CHRD: variants seen among roughly 807,000 people sequenced by gnomAD.
CHRD encodes chordin.
Under a neutral mutation model 113.7 loss-of-function variants are expected in CHRD, and 69 were observed. The observed-to-expected ratio is 0.61, with a 90% CI of 0.50 to 0.74. CHRD has a LOEUF of 0.74. Ranked by LOEUF, CHRD falls within the 30% of genes least tolerant of loss-of-function variation. CHRD has a pLI of 0.00. For synonymous variants in CHRD, 561 were observed against 540.8 expected (o/e 1.04, Z -0.52); for missense variants, 1,194 against 1,295.8 (o/e 0.92, Z 1.21).
chr3:184,380,176 G>C lies in CHRD; in HGVS notation c.-143G>C. ...CGCCCGACGAGCCCCTCGCGGCACT[G>C]CCCCGGCCCCGGCCCCGGCCCCGGC... On this transcript the variant is annotated 5_prime_UTR_variant, in exon 1 of 23. Coordinates refer to ENST00000204604, the Ensembl canonical transcript of CHRD. The surrounding 1 kb of genome is among the most constrained non-coding windows in gnomAD (Gnocchi z 6.3). 1 of 150,074 alleles carries C rather than the reference G, an allele frequency of 6.7e-6. No individual in the cohort carries two copies. The highest frequency in any genetic ancestry group is 1.3e-5 in the Non-Finnish European group (1 of 78,900). 9.3% of individuals were successfully genotyped at this position (150,074 alleles called of 1,614,324 possible). A position where few individuals can be genotyped will look rare whatever the true frequency, so the allele number is the denominator to read the frequency against.
At position 184,380,829 on chromosome 3, in the gene CHRD, C is replaced by A. The variant is rs375577594; in HGVS notation, c.252+34C>A. The A allele has an allele frequency of 3.2e-5, 48 of 1,507,352 alleles. No individual in the cohort carries two copies. In the African/African-American group the frequency reaches 4.5e-4, roughly 14 times the overall value. The allele number at this position is 1,507,352 out of a possible 1,614,324, so 93.4% of individuals were successfully genotyped here. A position where few individuals can be genotyped will look rare whatever the true frequency, so the allele number is the denominator to read the frequency against. On this transcript the variant is annotated intron_variant, in intron 2 of 22. Transcript: ENST00000204604. The surrounding 1 kb of genome is among the most constrained non-coding windows in gnomAD (Gnocchi z 6.3). ...ACCCCGCGGCCGGCCCGGGCCCTGG[C>A]GGGTGGGGAGCGCCGGGTCGCGCGG...
chr3:184,383,006 C>T lies in CHRD; in HGVS notation c.1066-10C>T. On this transcript the variant is annotated splice_polypyrimidine_tract_variant and intron_variant, in intron 9 of 22. Coordinates refer to ENST00000204604, the Ensembl canonical transcript of CHRD. Reference sequence around the variant, plus strand: ...TTGCTATTGCCCATCACACCCTGCTCTGTCCCCAGGAACCAGGCTTTGCTG... The same window carrying T: ...TTGCTATTGCCCATCACACCCTGCTTTGTCCCCAGGAACCAGGCTTTGCTG... The T allele has an allele frequency of 1.9e-6, 3 of 1,612,666 alleles. No individual in the cohort carries two copies. Among genetic ancestry groups the T allele is most frequent in the Non-Finnish European group, 2.5e-6 (3 of 1,179,440 alleles).
At chr3:184,382,355 C>CT (rs1715570814) in intron 6 of CHRD, 34 bp from the exon 7 acceptor site, 2 of 1,613,970 alleles carry the variant, frequency 1.2e-6, no homozygotes, top group Non-Finnish European at 1.7e-6. Flanking sequence ...TGCACAGTGT[C>CT]TGAGCGTAGG....
At chr3:184,386,619 C>T (rs759444394) in exon 16 of CHRD, 4 of 1,608,094 alleles carry the variant, frequency 2.5e-6, no homozygotes, top group East Asian at 2.2e-5. Context: ...GGTCTCCCGG[C>T]CCTAGCGCCC....
At chr3:184,389,296 G>T in intron 22 of CHRD, 71 bp from the exon 23 acceptor site, 3 of 1,448,916 alleles carry the variant, frequency 2.1e-6, no homozygotes, top group Non-Finnish European at 2.9e-6. Context: ...GCTTTGCCCT[G>T]CCCTCTATGC....
Position 184,386,955 on chromosome 3 carries a change from G to A in CHRD, c.2290+17G>A. On this transcript the variant is annotated intron_variant, in intron 17 of 22. Coordinates refer to ENST00000204604, the Ensembl canonical transcript of CHRD. Reference sequence around the variant, plus strand: ...TTTGCCCTGGTGAGTTCCCCGCAGGGGAGTGGAGGGAGGAGTTGGCCCAGT... The same window carrying A: ...TTTGCCCTGGTGAGTTCCCCGCAGGAGAGTGGAGGGAGGAGTTGGCCCAGT... 2 of 1,614,232 alleles carry A rather than the reference G, an allele frequency of 1.2e-6. No homozygotes were observed. Among genetic ancestry groups the A allele is most frequent in the Non-Finnish European group, 1.7e-6 (2 of 1,180,030 alleles).
At chr3:184,386,992 C>T in intron 17 of CHRD, 54 bp downstream of exon 17, 1 of 1,613,970 alleles carries the variant, frequency 6.2e-7, no homozygotes, top group Non-Finnish European at 8.5e-7. Context: ...CGGACAGGTC[C>T]TTTGGGGAGG....
chr3:184,385,267 G>A lies in CHRD; in HGVS notation c.1818+29G>A, dbSNP rs770819303. On this transcript the variant is annotated intron_variant, in intron 14 of 22. Transcript: ENST00000204604. The stretch of plus-strand genomic sequence containing the variant: ...AGGATGTGATGGTAGGCGGCAGCTT[G>A]GAACATTTCTGTTTTTTAGCTTGAA... 15 of 1,564,554 alleles carry A rather than the reference G, an allele frequency of 9.6e-6. No individual in the cohort carries two copies. The East Asian group carries it at 3.1e-4, about 33-fold the overall frequency.
Position 184,384,448 on chromosome 3 carries a change from T to C in CHRD, c.1441-89T>C. On this transcript the variant is annotated intron_variant, in intron 12 of 22. Coordinates refer to ENST00000204604, the Ensembl canonical transcript of CHRD. The surrounding 1 kb of genome is among the most constrained non-coding windows in gnomAD (Gnocchi z 4.4). The stretch of plus-strand genomic sequence containing the variant: ...TGTTTCTGGTGTGTGGAAGTGTGTG[T>C]GGGTGGAGTGGGGGCACAAAATGGT... The C allele has an allele frequency of 7.4e-7, 1 of 1,345,332 alleles. No homozygotes were observed. Among genetic ancestry groups the C allele is most frequent in the Admixed American group, 2.7e-5 (1 of 36,626 alleles). 83.3% of individuals were successfully genotyped at this position (1,345,332 alleles called of 1,614,324 possible). A position where few individuals can be genotyped will look rare whatever the true frequency, so the allele number is the denominator to read the frequency against.
At chr3:184,389,023 C>T in intron 22 of CHRD, 28 bp downstream of exon 22, 1 of 1,522,538 alleles carries the variant, frequency 6.6e-7, no homozygotes, top group African/African-American at 1.4e-5. Flanking sequence ...GGGTCAGCAG[C>T]TGTGAGTGGA....
chr3:184,381,494 AGAGCGCAGCAGTTCG>A lies in CHRD; in HGVS notation c.387_401del (p.Ser130_Arg134del), dbSNP rs1285019549. The A allele has an allele frequency of 1.3e-6, 2 of 1,588,982 alleles. No homozygotes were observed. The highest frequency in any genetic ancestry group is 3.5e-5 in the Admixed American group (2 of 57,362). On this transcript the variant is annotated splice_acceptor_variant and coding_sequence_variant, in exon 4 of 23. Transcript: ENST00000204604. LOFTEE classifies it high-confidence loss of function. This position sits in a 1 kb window ranked among gnomAD's most constrained non-coding sequence, Gnocchi z 4.7. ...CCCGTGTTCTTACCCCCCCGCCCGC[AGAGCGCAGCAGTTCG>A]GAGCGGCAGCCGAGCGGCCTGTCCT... is the stretch of plus-strand genomic sequence containing the variant.
chr3:184,386,278 G>A (rs776331314), intron 15 of CHRD, 119 bp downstream of exon 15: 7 of 1,237,870 alleles, frequency 5.7e-6, no homozygotes, highest in Non-Finnish European at 8.0e-6. Flanking sequence ...GTATCACAGC[G>A]CCCCCCCGGC....
chr3:184,383,748 C>A, intron 12 of CHRD, 106 bp downstream of exon 12: 12 of 982,100 alleles, frequency 1.2e-5, no homozygotes, highest in Non-Finnish European at 1.6e-5. Context: ...CTCATGGGTT[C>A]TCCCACTCAT....
chr3:184,385,200 G>C, exon 14 of CHRD: 7 of 1,614,076 alleles, frequency 4.3e-6, no homozygotes, highest in Non-Finnish European at 5.9e-6. Context: ...TGGAACGCCA[G>C]GGCCTCGGCG....
chr3:184,386,240 T>C, intron 15 of CHRD, 81 bp downstream of exon 15: 1 of 1,449,362 alleles, frequency 6.9e-7, no homozygotes, highest in Non-Finnish European at 9.6e-7. Flanking sequence ...CACTAGTCAC[T>C]TGCTGTCTCT....
chr3:184,385,303 G>T, intron 14 of CHRD, 65 bp downstream of exon 14: 1 of 1,232,946 alleles, frequency 8.1e-7, no homozygotes. Context: ...GGGCTGTGTG[G>T]GCCTGTGTTG....
rs918630405 is a variant in CHRD, at chr3:184,387,286, G to T, written c.2348-88G>T. Reference sequence around the variant, plus strand: ...CCAGGTGGGCCCTTGGCTTAGGCTCGTGTGGGGGTGGCCTGAGGCTCAAGC... The same window carrying T: ...CCAGGTGGGCCCTTGGCTTAGGCTCTTGTGGGGGTGGCCTGAGGCTCAAGC... On this transcript the variant is annotated intron_variant, in intron 18 of 22. Coordinates refer to ENST00000204604, the Ensembl canonical transcript of CHRD. This position sits in a 1 kb window ranked among gnomAD's most constrained non-coding sequence, Gnocchi z 6.1. 87 of 1,466,202 alleles carry T rather than the reference G, an allele frequency of 5.9e-5. No homozygotes were observed. In the Admixed American group the frequency reaches 1.6e-3, roughly 27 times the overall value. 90.8% of individuals were successfully genotyped at this position (1,466,202 alleles called of 1,614,324 possible).
intron 15 of CHRD, 124 bp from the exon 16 acceptor site, chr3:184,386,368 T>A (rs1716279781): frequency 7.3e-7 from 1 of 1,378,218 alleles, no homozygotes; most frequent in South Asian, 1.3e-5. Context: ...GTGGAGCGAA[T>A]GGCATCCTCC....
chr3:184,381,769 G>A lies in CHRD; in HGVS notation c.565G>A (p.Val189Ile), dbSNP rs1199106028. The stretch of plus-strand genomic sequence containing the variant: ...GTCGCAGGCGGTGGCACGAGCCCGA[G>A]TCTCGCTGCTGCGCTCTAGCCTCCG... Residue 189 changes from valine (V) to isoleucine (I), a missense_variant, in exon 5 of 23, where the codon GTC becomes ATC. Val to Ile is a conservative substitution (Grantham distance 29). Coordinates refer to ENST00000204604, the Ensembl canonical transcript of CHRD. This position sits in a 1 kb window ranked among gnomAD's most constrained non-coding sequence, Gnocchi z 4.7. 6.2e-7 allele frequency: 1 copy of A among 1,613,300 alleles called. No individual in the cohort carries two copies. The highest frequency in any genetic ancestry group is 8.5e-7 in the Non-Finnish European group (1 of 1,179,976).
Sources: allele counts gnomAD v4.1 joint callset, GRCh38; gene constraint gnomAD v4.1.1; non-coding constraint Gnocchi (gnomAD v3.1); transcripts MANE v1.5; gene names NCBI Gene and HGNC (gene_info 2026-07-23, HGNC 2026-07-21).